Variants in MARK3 observed in about 807,000 individuals in gnomAD.
The protein encoded by MARK3 is microtubule affinity regulating kinase 3.
MARK3 carries 46 observed loss-of-function variants against 90.1 expected under a neutral mutation model. That is an observed-to-expected ratio of 0.51 (90% CI 0.40 to 0.65). MARK3 has a LOEUF of 0.65. MARK3 is among the 30% of genes least tolerant of loss of function. MARK3 has a pLI of 0.00. For missense variants in MARK3, 818 were observed against 947.2 expected (o/e 0.86, Z 1.79); for synonymous variants, 321 against 332.6 (o/e 0.97, Z 0.38).
At chr14:103,390,394 C>T (rs895267968) in intron 1 of MARK3, among the ~76,000 whole-genome samples, 1 of 152,232 alleles carries the variant, frequency 6.6e-6, no homozygotes, top group African/African-American at 2.4e-5. Context: ...AAAGCCTCTA[C>T]TGGGCCCCAG....
chr14:103,484,268 C>T (rs1250060508), intron 14 of MARK3, among the ~76,000 whole-genome samples: 1 of 151,774 alleles, frequency 6.6e-6, no homozygotes, highest in Non-Finnish European at 1.5e-5. Flanking sequence ...ACCTCCATCT[C>T]CCGGGTTCAT....
chr14:103,411,853 A>T lies in MARK3; in HGVS notation c.243+6586A>T, dbSNP rs186799954. On this transcript the variant is annotated intron_variant, in intron 2 of 17. Transcript: ENST00000429436. ...GGCCAGGATGGTCTCGATCTCTTGA[A>T]CCCATGAACTGCCCACCTCAGCCTC... Among the ~76,000 whole-genome samples the T allele has an allele frequency of 4.7e-5, 7 of 150,310 alleles. No homozygotes were observed. The East Asian group carries it at 1.4e-3, about 29-fold the overall frequency.
At chr14:103,388,107 T>A (rs1324499562) in intron 1 of MARK3, among the ~76,000 whole-genome samples, 1 of 152,168 alleles carries the variant, frequency 6.6e-6, no homozygotes, top group Non-Finnish European at 1.5e-5. Context: ...AATTTTGTAT[T>A]TTTAGTAGAG....
chr14:103,392,984 A>C (rs896011324), intron 1 of MARK3, among the ~76,000 whole-genome samples: 1 of 147,872 alleles, frequency 6.8e-6, no homozygotes, highest in Non-Finnish European at 1.5e-5. Context: ...TAATTTTTAA[A>C]TTTTATTTTA....
intron 1 of MARK3, among the ~76,000 whole-genome samples, chr14:103,403,326 TTGTGTGTG>T (rs59913493): frequency 0.15 from 20,850 of 138,266 alleles, 1,861 homozygotes; most frequent in Admixed American, 0.25. Flanking sequence ...TAGTGCCTGG[TTGTGTGTG>T]TGTGTGTGTG....
chr14:103,475,517 G>A (rs949827552), intron 13 of MARK3, among the ~76,000 whole-genome samples: 2 of 152,312 alleles, frequency 1.3e-5, no homozygotes, highest in East Asian at 3.9e-4. Context: ...AACAAGTTCC[G>A]TGTCTGGCAA....
At chr14:103,421,098 A>C (rs1269196362) in intron 2 of MARK3, among the ~76,000 whole-genome samples, 1 of 152,152 alleles carries the variant, frequency 6.6e-6, no homozygotes, top group Non-Finnish European at 1.5e-5. Context: ...CTTGCACTGC[A>C]CATGGCTATG....
At chr14:103,388,445 A>G (rs557886538) in intron 1 of MARK3, among the ~76,000 whole-genome samples, 24 of 152,350 alleles carry the variant, frequency 1.6e-4, no homozygotes, top group African/African-American at 5.8e-4. Context: ...ACTGCTAAGT[A>G]TTAGACTTCC....
chr14:103,503,337 A>G lies in MARK3; in HGVS notation c.*110A>G. The G allele has an allele frequency of 9.5e-7, 1 of 1,050,438 alleles. No homozygotes were observed. Among genetic ancestry groups the G allele is most frequent in the Non-Finnish European group, 1.4e-6 (1 of 734,996 alleles). 65.1% of individuals were successfully genotyped at this position (1,050,438 alleles called of 1,614,324 possible). A position where few individuals can be genotyped will look rare whatever the true frequency, so the allele number is the denominator to read the frequency against. On this transcript the variant is annotated 3_prime_UTR_variant, in exon 18 of 18. Transcript: ENST00000429436. ...TAACGTCTGCATCTTCTAAATCATG[A>G]AATTAAAGTCTGAGGACGAGAGCAC... is the stretch of plus-strand genomic sequence containing the variant.
intron 2 of MARK3, among the ~76,000 whole-genome samples, chr14:103,406,226 G>A (rs996282700): frequency 1.3e-5 from 2 of 150,990 alleles, no homozygotes; most frequent in South Asian, 2.1e-4. Context: ...GGGGGGTTAG[G>A]GGGGTGTCGG....
chr14:103,464,520 G>C (rs1324390597), intron 7 of MARK3, among the ~76,000 whole-genome samples: 5 of 151,358 alleles, frequency 3.3e-5, no homozygotes, highest in Non-Finnish European at 7.4e-5. Flanking sequence ...GACTGGTCTC[G>C]AACTCCTGAC....
chr14:103,451,055 C>T (rs62007715), intron 4 of MARK3, among the ~76,000 whole-genome samples: 21,563 of 150,204 alleles, frequency 0.14, 2,033 homozygotes, highest in Middle Eastern at 0.21. Flanking sequence ...CTCAGCCTCC[C>T]GAGTAGCTGG....
At chr14:103,425,417 CA>C (rs1383667337) in intron 2 of MARK3, among the ~76,000 whole-genome samples, 26 of 151,768 alleles carry the variant, frequency 1.7e-4, no homozygotes. Context: ...CATCCGCCAC[CA>C]AGCTCAGCTA....
At chr14:103,439,910 A>C (rs2092809112) in intron 3 of MARK3, among the ~76,000 whole-genome samples, 1 of 148,432 alleles carries the variant, frequency 6.7e-6, no homozygotes, top group Non-Finnish European at 1.5e-5. Flanking sequence ...TCAGCTTCCA[A>C]AGTATCTGGG....
chr14:103,405,832 C>CAG (rs2091258611), intron 2 of MARK3, among the ~76,000 whole-genome samples: 1 of 149,482 alleles, frequency 6.7e-6, no homozygotes, highest in African/African-American at 2.5e-5. Context: ...CTCCTGACCT[C>CAG]GTGATCCACC....
At chr14:103,386,582 A>G (rs2089821993) in intron 1 of MARK3, among the ~76,000 whole-genome samples, 1 of 152,204 alleles carries the variant, frequency 6.6e-6, no homozygotes, top group Admixed American at 6.5e-5. Context: ...ACAGTCACTA[A>G]GTGTCCACTG....
At chr14:103,417,896 G>C (rs1470355963) in intron 2 of MARK3, among the ~76,000 whole-genome samples, 1 of 152,016 alleles carries the variant, frequency 6.6e-6, no homozygotes, top group East Asian at 1.9e-4. Flanking sequence ...GTGAAACCCT[G>C]CCTCTACTAA....
At position 103,406,682 on chromosome 14, in the gene MARK3, A is replaced by G. The variant is rs555009759; in HGVS notation, c.243+1415A>G. Among the ~76,000 whole-genome samples the G allele has an allele frequency of 2.1e-5, 3 of 144,104 alleles. No homozygotes were observed. In the South Asian group the frequency reaches 6.7e-4, roughly 32 times the overall value. 94.5% of individuals were successfully genotyped at this position (144,104 alleles called of 152,430 possible). A position where few individuals can be genotyped will look rare whatever the true frequency, so the allele number is the denominator to read the frequency against. ...CAGTGGTGCAATCTCGGCTCACTGC[A>G]AGCTCCGCCTTCTGGGTTCAAGCCA... is the stretch of plus-strand genomic sequence containing the variant. On this transcript the variant is annotated intron_variant, in intron 2 of 17. Transcript: ENST00000429436.
chr14:103,388,705 C>T (rs1476890954), intron 1 of MARK3, among the ~76,000 whole-genome samples: 2 of 152,162 alleles, frequency 1.3e-5, no homozygotes, highest in East Asian at 1.9e-4. Context: ...CCTGGGTAAC[C>T]ACTGATCTGC....
Sources: allele counts gnomAD v4.1 joint callset (sites outside exome capture counted in the v4.1 genomes callset), GRCh38; gene constraint gnomAD v4.1.1; transcripts MANE v1.5; gene names NCBI Gene and HGNC (gene_info 2026-07-23, HGNC 2026-07-21).